Variants in ASIC4 observed in about 807,000 individuals in gnomAD.
The protein encoded by ASIC4 is acid-sensing ion channel 4.
ASIC4 carries 28 observed loss-of-function variants against 53.4 expected under a neutral mutation model. That is an observed-to-expected ratio of 0.52 (90% CI 0.39 to 0.72). The LOEUF (loss-of-function observed/expected upper bound fraction) is 0.72, where lower values mean the gene tolerates loss of function less well. Ranked by LOEUF, ASIC4 falls within the 30% of genes least tolerant of loss-of-function variation. ASIC4 has a pLI of 0.00. For missense variants in ASIC4, 649 were observed against 729.7 expected, an observed-to-expected ratio of 0.89 and a Z score of 1.27; for synonymous variants, 289 against 301.4, an observed-to-expected ratio of 0.96 and a Z score of 0.43.
At position 219,532,045 on chromosome 2, in the gene ASIC4, C is replaced by T; in HGVS notation, c.772C>T (p.Gln258Ter). 6.2e-7 allele frequency: 1 copy of T among 1,614,238 alleles called. No homozygotes were observed. The highest frequency in any genetic ancestry group is 8.5e-7 in the Non-Finnish European group (1 of 1,180,042). ...EAGIRVQIHSQEEPPYIHQLG... is the reference protein window; with the variant it reads ...EAGIRVQIHS ...AGGTATTCGGGTGCAGATCCACAGC[C>T]AGGAGGAGCCGCCCTACATCCACCA... The change falls in exon 3 of 10, where the codon CAG (glutamine) becomes TAG (stop). Residue 258 changes from glutamine (Q) to a stop codon, truncating the protein, a stop_gained. Coordinates refer to ENST00000358078, the MANE Select transcript of ASIC4 (RefSeq NM_018674.6). LOFTEE classifies it high-confidence loss of function.
chr2:219,538,361 A>C lies in ASIC4; in HGVS notation c.*315A>C. On this transcript the variant is annotated 3_prime_UTR_variant, in exon 10 of 10. Coordinates refer to ENST00000358078, the MANE Select transcript of ASIC4 (RefSeq NM_018674.6). ...CAGCCGGGGAGGGGGAGCCCTCTGT[A>C]CATTTGTAAATATTTAGGGAAAGCC... The C allele has an allele frequency of 5.9e-6, 1 of 168,442 alleles. No individual in the cohort carries two copies. Among genetic ancestry groups the C allele is most frequent in the Non-Finnish European group, 1.2e-5 (1 of 82,512 alleles). 10.4% of individuals were successfully genotyped at this position (168,442 alleles called of 1,614,324 possible). A position where few individuals can be genotyped will look rare whatever the true frequency, so the allele number is the denominator to read the frequency against.
intron 1 of ASIC4, among the ~76,000 whole-genome samples, chr2:219,520,482 C>A (rs532171344): frequency 6.6e-6 from 1 of 152,316 alleles, no homozygotes; most frequent in African/African-American, 2.4e-5. Flanking sequence ...CCACTACTGA[C>A]AGTCTCTGCC....
intron 1 of ASIC4, among the ~76,000 whole-genome samples, chr2:219,523,251 G>T (rs1345418186): frequency 6.6e-6 from 1 of 152,206 alleles, no homozygotes; most frequent in East Asian, 1.9e-4. Context: ...AGGGTGTAAG[G>T]CCTAAGCGGT....
chr2:219,512,585 G>C (rs865885292), upstream of ASIC4, among the ~76,000 whole-genome samples: 5 of 152,220 alleles, frequency 3.3e-5, no homozygotes, highest in Non-Finnish European at 7.3e-5. Flanking sequence ...GGAGGGGAGA[G>C]CATAGGAGGC....
At chr2:219,510,286 T>C (rs1694684751), upstream of ASIC4, among the ~76,000 whole-genome samples, 1 of 149,780 alleles carries the variant, frequency 6.7e-6, no homozygotes, top group Non-Finnish European at 1.5e-5. This position sits in a 1 kb window ranked among gnomAD's most constrained non-coding sequence, Gnocchi z 5.2. Context: ...TCCCAGCAGC[T>C]TTCGCTGCTG....
In ASIC4 at chr2:219,516,826, A is replaced by C. The variant is rs1183752554; in HGVS notation, c.582+1520A>C. ...GTAGAAATAGAGGGACAGGAGCAGG[A>C]GCATTGTGCAGGGAGAAGAGTCGGG... On this transcript the variant is annotated intron_variant, in intron 1 of 9. Transcript: ENST00000358078. This position sits in a 1 kb window ranked among gnomAD's most constrained non-coding sequence, Gnocchi z 4.9. The C allele has an allele frequency of 6.6e-6, 1 of 152,370 alleles. No individual in the cohort carries two copies. The highest frequency in any genetic ancestry group is 1.5e-5 in the Non-Finnish European group (1 of 68,164). The allele number at this position is 152,370 out of a possible 1,614,324, so 9.4% of individuals were successfully genotyped here.
Position 219,535,778 on chromosome 2 carries a change from T to TC in ASIC4, c.1229+454_1229+455insC, listed in dbSNP as rs1228155643. On this transcript the variant is annotated intron_variant, in intron 6 of 9. Transcript: ENST00000358078. ...TAGCTCTATTCTTCTCCTTCTTTTT[T>TC]TTTTTTTTTTTTGAGACAGAGTCTT... is the stretch of plus-strand genomic sequence containing the variant. 4.7e-5 allele frequency among the ~76,000 whole-genome samples: 7 copies of TC among 149,876 alleles called. No homozygotes were observed. In the East Asian group the frequency reaches 7.8e-4, roughly 17 times the overall value.
Position 219,537,900 on chromosome 2 carries a change from CCG to C in ASIC4, c.1507-32_1507-31del. On this transcript the variant is annotated intron_variant, in intron 9 of 9. Coordinates refer to ENST00000358078, the MANE Select transcript of ASIC4 (RefSeq NM_018674.6). The surrounding 1 kb of genome is among the most constrained non-coding windows in gnomAD (Gnocchi z 4.9). ...CCCTGGGGGCACCACTTGAGCTCTC[CCG>C]GTCCCACTCTCTCTTTTCTTTCTCC... is the stretch of plus-strand genomic sequence containing the variant. 6.4e-7 allele frequency: 1 copy of C among 1,554,332 alleles called. No homozygotes were observed. The highest frequency in any genetic ancestry group is 8.8e-7 in the Non-Finnish European group (1 of 1,141,314).
chr2:219,523,516 G>A (rs1694919869), intron 1 of ASIC4, among the ~76,000 whole-genome samples: 1 of 152,212 alleles, frequency 6.6e-6, no homozygotes, highest in Non-Finnish European at 1.5e-5. Context: ...CATGGGTGGC[G>A]GTGGAGGTGG....
rs375261526 is a variant in ASIC4, at chr2:219,537,360, G to A, written c.1401+39G>A. On this transcript the variant is annotated intron_variant, in intron 8 of 9. Transcript: ENST00000358078. This position sits in a 1 kb window ranked among gnomAD's most constrained non-coding sequence, Gnocchi z 4.9. ...AGAAGGCAGGGTGGGAGTGGGGGCCGTGGGCAAAGCAGAAGGGGGCAGTGC... is the reference window on the plus strand; with the variant it reads ...AGAAGGCAGGGTGGGAGTGGGGGCCATGGGCAAAGCAGAAGGGGGCAGTGC... 8.2e-6 allele frequency: 13 copies of A among 1,588,156 alleles called. No individual in the cohort carries two copies. The highest frequency in any genetic ancestry group is 5.4e-5 in the African/African-American group (4 of 74,550).
rs756791914 is a variant in ASIC4 at position 219,515,114 on chromosome 2, T to C, written c.390T>C (p.Asp130=). ...INRFRHSALS[D]ADIFHLANLT... ...GCTTCCGGCATTCGGCACTCAGCGA[T>C]GCCGACATCTTCCACCTGGCCAATC... Residue 130 remains aspartate, a synonymous_variant, in exon 1 of 10, where the codon GAT becomes GAC. Coordinates refer to ENST00000358078, the MANE Select transcript of ASIC4 (RefSeq NM_018674.6). The C allele has an allele frequency of 2.5e-6, 4 of 1,614,110 alleles. No individual in the cohort carries two copies. In the South Asian group the frequency reaches 3.3e-5, roughly 13 times the overall value.
At chr2:219,510,886 C>T, upstream of ASIC4, among the ~76,000 whole-genome samples, 1 of 152,004 alleles carries the variant, frequency 6.6e-6, no homozygotes, top group East Asian at 1.9e-4. The surrounding 1 kb of genome is among the most constrained non-coding windows in gnomAD (Gnocchi z 5.2). Flanking sequence ...CCTGCCTCGT[C>T]CGCGGCATAA....
In ASIC4 at chr2:219,536,117, G is replaced by A. The variant is rs191785887; in HGVS notation, c.1229+793G>A. ...TAGCCCCACTCATTGCTCAAGTCAC[G>A]TTCAGTGTCTCCACCTCCAGGGAAG... is the stretch of plus-strand genomic sequence containing the variant. On this transcript the variant is annotated intron_variant, in intron 6 of 9. Coordinates refer to ENST00000358078, the MANE Select transcript of ASIC4 (RefSeq NM_018674.6). The surrounding 1 kb of genome is among the most constrained non-coding windows in gnomAD (Gnocchi z 4.6). 9.9e-5 allele frequency among the ~76,000 whole-genome samples: 15 copies of A among 152,246 alleles called. No individual in the cohort carries two copies. The highest frequency in any genetic ancestry group is 3.9e-4 in the Admixed American group (6 of 15,294).
Position 219,538,193 on chromosome 2 carries a change from T to C in ASIC4, c.*147T>C. ...CTGCTCTCATCCTCCCCTGCCCTGA[T>C]GTCAGCTGCTTTGCACAAAGGTCCT... is the stretch of plus-strand genomic sequence containing the variant. On this transcript the variant is annotated 3_prime_UTR_variant, in exon 10 of 10. Coordinates refer to ENST00000358078, the MANE Select transcript of ASIC4 (RefSeq NM_018674.6). The C allele has an allele frequency of 1.4e-6, 1 of 696,944 alleles. No individual in the cohort carries two copies. The allele number at this position is 696,944 out of a possible 1,614,324, so 43.2% of individuals were successfully genotyped here.
Position 219,537,453 on chromosome 2 carries a change from T to A in ASIC4, c.1401+132T>A. The A allele has an allele frequency of 8.4e-7, 1 of 1,194,450 alleles. No homozygotes were observed. The highest frequency in any genetic ancestry group is 1.2e-6 in the Non-Finnish European group (1 of 837,768). The allele number at this position is 1,194,450 out of a possible 1,614,324, so 74.0% of individuals were successfully genotyped here. A position where few individuals can be genotyped will look rare whatever the true frequency, so the allele number is the denominator to read the frequency against. ...GGGTTCTCTGCCAGGGTCCCCTGAC[T>A]GGCTGGCAGGCCTGAGGGCTCAGAG... On this transcript the variant is annotated intron_variant, in intron 8 of 9. Transcript: ENST00000358078. The surrounding 1 kb of genome is among the most constrained non-coding windows in gnomAD (Gnocchi z 4.9).
chr2:219,519,807 G>C (rs1694857771), intron 1 of ASIC4, among the ~76,000 whole-genome samples: 1 of 152,252 alleles, frequency 6.6e-6, no homozygotes, highest in African/African-American at 2.4e-5. Context: ...ATAAAGGGTA[G>C]CTGCGGGCTG....
chr2:219,529,586 G>C (rs975512376), intron 1 of ASIC4, among the ~76,000 whole-genome samples: 2 of 152,100 alleles, frequency 1.3e-5, no homozygotes, highest in African/African-American at 4.8e-5. Flanking sequence ...GGAGTGGGGG[G>C]TGCCAGCAAT....
At chr2:219,521,753 T>G (rs1694888621) in intron 1 of ASIC4, among the ~76,000 whole-genome samples, 1 of 151,710 alleles carries the variant, frequency 6.6e-6, no homozygotes, top group Non-Finnish European at 1.5e-5. Flanking sequence ...TCCTGAGTTA[T>G]AAGTATTCCT....
chr2:219,510,776 G>A (rs753098919), upstream of ASIC4, among the ~76,000 whole-genome samples: 26 of 152,084 alleles, frequency 1.7e-4, no homozygotes, highest in Non-Finnish European at 2.9e-4. The surrounding 1 kb of genome is among the most constrained non-coding windows in gnomAD (Gnocchi z 5.2). Context: ...CGGACAGTGG[G>A]GGCAGGGCCT....
Sources: gnomAD v4.1 joint callset for allele counts (sites outside exome capture counted in the v4.1 genomes callset) on GRCh38, gnomAD v4.1.1 for gene constraint, Gnocchi (gnomAD v3.1) non-coding constraint, MANE v1.5 for transcripts, NCBI Gene and HGNC (gene_info 2026-07-23, HGNC 2026-07-21) for gene names.